AGBL4: variants seen among roughly 807,000 people sequenced by gnomAD.
AGBL4 encodes the protein cytosolic carboxypeptidase 6.
In AGBL4, 58 loss-of-function variants were observed where a neutral mutation model predicts 66.4. The observed-to-expected ratio is 0.87, with a 90% CI of 0.71 to 1.09. The LOEUF is 1.09. Ranked by LOEUF, AGBL4 falls within the 50% of genes least tolerant of loss-of-function variation. The pLI is 0.00. For missense variants in AGBL4, 579 were observed against 631.0 expected, an observed-to-expected ratio of 0.92 and a Z score of 0.88; for synonymous variants, 234 against 222.9, an observed-to-expected ratio of 1.05 and a Z score of -0.44.
intron 2 of AGBL4, among the ~76,000 whole-genome samples, chr1:49,836,047 T>C (rs754008149): frequency 1.8e-4 from 27 of 152,102 alleles, no homozygotes; most frequent in Non-Finnish European, 1.6e-4. Flanking sequence ...AATCTGACGA[T>C]TATGTTTCTT....
At chr1:48,932,181 T>C (rs1363541989) in intron 5 of AGBL4, among the ~76,000 whole-genome samples, 5 of 152,086 alleles carry the variant, frequency 3.3e-5, no homozygotes, top group South Asian at 2.1e-4. Context: ...GAAACAGAGA[T>C]AGGTATGCAG....
chr1:48,662,900 C>T (rs1646130374), intron 7 of AGBL4, among the ~76,000 whole-genome samples: 2 of 152,152 alleles, frequency 1.3e-5, no homozygotes, highest in Admixed American at 1.3e-4. Context: ...TATGAGATAA[C>T]TTCGTTCAGC....
chr1:49,831,814 C>A (rs1645688775), intron 2 of AGBL4, among the ~76,000 whole-genome samples: 1 of 151,956 alleles, frequency 6.6e-6, no homozygotes, highest in Non-Finnish European at 1.5e-5. Context: ...GAGTTTTTAG[C>A]ATTAAGGGGT....
chr1:49,392,409 A>G (rs1174087230), intron 3 of AGBL4, among the ~76,000 whole-genome samples: 2 of 152,224 alleles, frequency 1.3e-5, no homozygotes, highest in Non-Finnish European at 2.9e-5. Context: ...CGTGTTTCTC[A>G]GAATGACTTT....
At chr1:49,129,870 A>C (rs967169243) in intron 4 of AGBL4, among the ~76,000 whole-genome samples, 2 of 152,130 alleles carry the variant, frequency 1.3e-5, no homozygotes, top group African/African-American at 2.4e-5. Flanking sequence ...CTAGTTCTAG[A>C]TCCCTGAGGA....
chr1:48,937,430 C>A (rs1571045382), intron 5 of AGBL4, among the ~76,000 whole-genome samples: 1 of 152,084 alleles, frequency 6.6e-6, no homozygotes, highest in Non-Finnish European at 1.5e-5. Context: ...TTTTTTCTTC[C>A]TTTGTTACTA....
intron 1 of AGBL4, among the ~76,000 whole-genome samples, chr1:49,911,293 G>T (rs1354262530): frequency 6.6e-6 from 1 of 152,204 alleles, no homozygotes; most frequent in Admixed American, 6.5e-5. Flanking sequence ...TTATTTCTGT[G>T]ATTGTTGAGA....
At chr1:49,145,688 C>T (rs1452759835) in intron 4 of AGBL4, among the ~76,000 whole-genome samples, 4 of 152,096 alleles carry the variant, frequency 2.6e-5, no homozygotes, top group African/African-American at 9.7e-5. Flanking sequence ...CTCGACTTCA[C>T]GTGCCTAAGG....
At chr1:48,789,531 CTA>C (rs1645494233) in intron 6 of AGBL4, among the ~76,000 whole-genome samples, 1 of 152,072 alleles carries the variant, frequency 6.6e-6, no homozygotes, top group South Asian at 2.1e-4. Context: ...CCTTGTGATC[CTA>C]CCACCTTGGC....
chr1:49,947,978 AAATATATATT>A (rs1385427470), intron 1 of AGBL4, among the ~76,000 whole-genome samples: 5 of 111,054 alleles, frequency 4.5e-5, no homozygotes, highest in Admixed American at 1.2e-4. Context: ...ATATATTTAT[AAATATATATT>A]TATATATATA....
intron 2 of AGBL4, among the ~76,000 whole-genome samples, chr1:49,772,707 G>A (rs1208969226): frequency 6.6e-6 from 1 of 152,142 alleles, no homozygotes; most frequent in African/African-American, 2.4e-5. Context: ...TTTCTGCTGA[G>A]AACTCTGCTG....
At chr1:48,747,567 G>A (rs12082281) in intron 6 of AGBL4, among the ~76,000 whole-genome samples, 1,900 of 152,232 alleles carry the variant, frequency 0.012, 42 homozygotes, top group African/African-American at 0.043. Flanking sequence ...CTGATTTAAC[G>A]GATAAGCAAT....
chr1:49,704,090 T>C (rs2124635282), intron 2 of AGBL4, among the ~76,000 whole-genome samples: 1 of 152,230 alleles, frequency 6.6e-6, no homozygotes, highest in South Asian at 2.1e-4. Flanking sequence ...TACCTTAAAA[T>C]GGTATTTCTC....
At chr1:49,055,766 GC>G (rs1371133559) in intron 4 of AGBL4, among the ~76,000 whole-genome samples, 3 of 151,924 alleles carry the variant, frequency 2.0e-5, no homozygotes, top group African/African-American at 4.8e-5. Context: ...GTACATGAAT[GC>G]CTATTAATCT....
At chr1:48,954,837 TA>T (rs2148931833) in intron 5 of AGBL4, among the ~76,000 whole-genome samples, 1 of 152,200 alleles carries the variant, frequency 6.6e-6, no homozygotes, top group South Asian at 2.1e-4. Context: ...ATTAGTACAC[TA>T]CAGATCTGGA....
chr1:49,662,934 A>G (rs1646298459), intron 3 of AGBL4, among the ~76,000 whole-genome samples: 1 of 152,258 alleles, frequency 6.6e-6, no homozygotes, highest in Non-Finnish European at 1.5e-5. Context: ...AAGCTTCTAC[A>G]TATAAATGGA....
intron 10 of AGBL4, among the ~76,000 whole-genome samples, chr1:48,590,097 T>A (rs1316697901): frequency 6.6e-6 from 1 of 152,020 alleles, no homozygotes; most frequent in Non-Finnish European, 1.5e-5. Flanking sequence ...AATAAATAAC[T>A]AAATTTTTAA....
intron 3 of AGBL4, among the ~76,000 whole-genome samples, chr1:49,273,815 A>G (rs1427363028): frequency 6.6e-6 from 1 of 152,058 alleles, no homozygotes; most frequent in Admixed American, 6.6e-5. Context: ...AGCTGGGACT[A>G]CAGGCACGTG....
intron 6 of AGBL4, among the ~76,000 whole-genome samples, chr1:48,666,046 G>A (rs7520011): frequency 0.061 from 9,233 of 152,222 alleles, 940 homozygotes; most frequent in African/African-American, 0.21. Context: ...AAGCATCTCG[G>A]GTGCTAATAT....
Sources: gnomAD v4.1 joint callset for allele counts (sites outside exome capture counted in the v4.1 genomes callset) on GRCh38, gnomAD v4.1.1 for gene constraint, MANE v1.5 for transcripts, NCBI Gene and HGNC (gene_info 2026-07-23, HGNC 2026-07-21) for gene names.